MYO5B: variants seen among roughly 807,000 people sequenced by gnomAD.
The protein encoded by MYO5B is myosin VB.
A neutral mutation model predicts 229.3 loss-of-function variants in MYO5B; 143 were observed. The observed-to-expected ratio is 0.62, with a 90% CI of 0.54 to 0.72. The LOEUF (loss-of-function observed/expected upper bound fraction) is 0.72, where lower values mean the gene tolerates loss of function less well. MYO5B is among the 30% of genes least tolerant of loss of function. The pLI, the probability that MYO5B is intolerant of heterozygous loss-of-function variation, is 0.00. For synonymous variants in MYO5B, 918 were observed against 885.2 expected (o/e 1.04, Z -0.66); for missense variants, 2,321 against 2,331.0 (o/e 1.00, Z 0.09).
At chr18:49,956,160 C>T (rs13381727) in intron 12 of MYO5B, among the ~76,000 whole-genome samples, 16,131 of 152,214 alleles carry the variant, frequency 0.11, 918 homozygotes, top group African/African-American at 0.14. Flanking sequence ...CACCTCCAAC[C>T]AAAAATAAGG....
intron 1 of MYO5B, among the ~76,000 whole-genome samples, chr18:50,140,333 C>T (rs185274390): frequency 2.0e-4 from 30 of 152,326 alleles, no homozygotes; most frequent in African/African-American, 7.0e-4. Context: ...AGCAACTCTT[C>T]CCAAACATGG....
At chr18:50,139,894 G>A (rs2032392118) in intron 1 of MYO5B, among the ~76,000 whole-genome samples, 1 of 152,108 alleles carries the variant, frequency 6.6e-6, no homozygotes, top group African/African-American at 2.4e-5. Flanking sequence ...TACCATCAGT[G>A]TAGTCTACAC....
chr18:49,986,225 G>C (rs1159247125), intron 7 of MYO5B, among the ~76,000 whole-genome samples: 2 of 152,158 alleles, frequency 1.3e-5, no homozygotes, highest in East Asian at 3.9e-4. Context: ...TCTTCCCTCT[G>C]TCCACGCCTT....
chr18:50,194,866 T>C lies in MYO5B; in HGVS notation c.-73A>G. 1 of 1,241,086 alleles carries C rather than the reference T, an allele frequency of 8.1e-7. No individual in the cohort carries two copies. 76.9% of individuals were successfully genotyped at this position (1,241,086 alleles called of 1,614,324 possible). A position where few individuals can be genotyped will look rare whatever the true frequency, so the allele number is the denominator to read the frequency against. The stretch of plus-strand genomic sequence containing the variant: ...GCTCTCAGTCCGCGGCTGGCCCGCC[T>C]GGCGCCATGTTCCCGGGCTGGCCTG... On this transcript the variant is annotated 5_prime_UTR_variant, in exon 1 of 40. Transcript: ENST00000285039.
intron 1 of MYO5B, among the ~76,000 whole-genome samples, chr18:50,119,201 T>C (rs1262439800): frequency 1.3e-5 from 2 of 152,252 alleles, no homozygotes; most frequent in East Asian, 1.9e-4. Context: ...TATAACCAGC[T>C]CCGGGTGATG....
intron 26 of MYO5B, among the ~76,000 whole-genome samples, chr18:49,873,848 G>C (rs2024485823): frequency 6.6e-6 from 1 of 152,166 alleles, no homozygotes; most frequent in African/African-American, 2.4e-5. Flanking sequence ...ACTGACTGTA[G>C]ACTGTCATAG....
intron 1 of MYO5B, among the ~76,000 whole-genome samples, chr18:50,078,622 C>A (rs891660380): frequency 6.6e-6 from 1 of 152,110 alleles, no homozygotes; most frequent in Non-Finnish European, 1.5e-5. Context: ...GTGGAACAAG[C>A]CTTTATTTTT....
At chr18:49,877,187 T>C (rs941761024) in intron 25 of MYO5B, among the ~76,000 whole-genome samples, 1 of 152,216 alleles carries the variant, frequency 6.6e-6, no homozygotes, top group African/African-American at 2.4e-5. Flanking sequence ...GAGGAAAAAT[T>C]GTATCTTTTG....
Position 50,013,694 on chromosome 18 carries a change from C to T in MYO5B, c.456-12283G>A, listed in dbSNP as rs578005567. On this transcript the variant is annotated intron_variant, in intron 4 of 39. Transcript: ENST00000285039. ...AAATAGTAGACTTAGGTAACACAGA[C>T]GACCAAAACTCACAATCATTATCCA... Among the ~76,000 whole-genome samples, 13 of 152,314 alleles carry T rather than the reference C, an allele frequency of 8.5e-5. No homozygotes were observed. In the East Asian group the frequency reaches 9.6e-4, roughly 11 times the overall value.
chr18:49,891,578 G>A (rs56057350), intron 22 of MYO5B, among the ~76,000 whole-genome samples: 49 of 152,276 alleles, frequency 3.2e-4, no homozygotes, highest in Admixed American at 7.8e-4. Flanking sequence ...GCAAGACAAC[G>A]TCCTTCCAGA....
At chr18:50,007,937 C>T (rs1179056054) in intron 4 of MYO5B, among the ~76,000 whole-genome samples, 6 of 152,122 alleles carry the variant, frequency 3.9e-5, no homozygotes, top group Admixed American at 2.0e-4. Context: ...ATGATGCACC[C>T]AGAATTCCTT....
intron 29 of MYO5B, 76 bp from the exon 30 acceptor site, chr18:49,856,966 G>T: frequency 7.8e-7 from 1 of 1,287,472 alleles, no homozygotes; most frequent in Non-Finnish European, 1.1e-6. Context: ...CCTGGAAAGT[G>T]AGGAGATTCT....
At chr18:50,106,905 A>G (rs116113423) in intron 1 of MYO5B, among the ~76,000 whole-genome samples, 1,605 of 152,106 alleles carry the variant, frequency 0.011, 23 homozygotes, top group African/African-American at 0.037. Context: ...CATAAAGAAA[A>G]CCCTGGAGAA....
intron 16 of MYO5B, among the ~76,000 whole-genome samples, chr18:49,930,011 C>T (rs1373143887): frequency 1.3e-5 from 2 of 152,178 alleles, no homozygotes; most frequent in African/African-American, 4.8e-5. Flanking sequence ...TTATTTGGCT[C>T]AAGCATTAAA....
At chr18:50,066,727 T>G (rs2030829150) in intron 1 of MYO5B, among the ~76,000 whole-genome samples, 1 of 152,176 alleles carries the variant, frequency 6.6e-6, no homozygotes, top group African/African-American at 2.4e-5. Flanking sequence ...GCTGCTTAAA[T>G]TACTATTACC....
chr18:49,971,813 C>T (rs2025695130), intron 10 of MYO5B, among the ~76,000 whole-genome samples: 1 of 152,188 alleles, frequency 6.6e-6, no homozygotes, highest in Non-Finnish European at 1.5e-5. Context: ...GTGAACTCAG[C>T]ACTGCATTGA....
At chr18:50,165,786 AAAGG>A (rs58511275) in intron 1 of MYO5B, among the ~76,000 whole-genome samples, 341 of 150,188 alleles carry the variant, frequency 2.3e-3, no homozygotes, top group African/African-American at 5.6e-3. Context: ...TGAAAGAAAA[AAAGG>A]AAGGAAGGAA....
intron 11 of MYO5B, 23 bp downstream of exon 11, chr18:49,962,926 C>A (rs1465924658): frequency 1.2e-6 from 2 of 1,604,326 alleles, no homozygotes; most frequent in African/African-American, 2.7e-5. Context: ...CCTGGTACCC[C>A]CAGGTCTAGA....
intron 4 of MYO5B, among the ~76,000 whole-genome samples, chr18:50,035,326 T>C (rs890615432): frequency 5.9e-5 from 9 of 152,226 alleles, no homozygotes; most frequent in Non-Finnish European, 1.2e-4. Context: ...CTTAGAGCGC[T>C]GTCAGAGCTG....
Sources: allele counts gnomAD v4.1 joint callset (sites outside exome capture counted in the v4.1 genomes callset), GRCh38; gene constraint gnomAD v4.1.1; transcripts MANE v1.5; gene names NCBI Gene and HGNC (gene_info 2026-07-23, HGNC 2026-07-21).